The following EEFSEC variants were observed in gnomAD, a reference collection of about 807,000 sequenced individuals.
The protein encoded by EEFSEC is selenocysteine-specific elongation factor.
Under a neutral mutation model 42.1 loss-of-function variants are expected in EEFSEC, and 43 were observed. The ratio of observed to expected loss-of-function variants is 1.02; its 90% CI spans 0.80 to 1.32. EEFSEC has a LOEUF of 1.32. Ranked by LOEUF, EEFSEC falls within the 40% of genes most tolerant of loss-of-function variation. The probability of loss-of-function intolerance (pLI) is 0.00; values close to 1 mark genes in which losing one functional copy is unlikely to be tolerated. For missense variants in EEFSEC, 745 were observed against 803.6 expected, an observed-to-expected ratio of 0.93 and a Z score of 0.88; for synonymous variants, 354 against 339.1, an observed-to-expected ratio of 1.04 and a Z score of -0.48.
chr3:128,210,649 C>T (rs2065746748), intron 1 of EEFSEC, among the ~76,000 whole-genome samples: 1 of 152,234 alleles, frequency 6.6e-6, no homozygotes, highest in East Asian at 1.9e-4. Flanking sequence ...CCAATTACAT[C>T]TCTGAATTTT....
intron 6 of EEFSEC, among the ~76,000 whole-genome samples, chr3:128,376,336 C>G (rs2067709677): frequency 6.6e-6 from 1 of 152,250 alleles, no homozygotes; most frequent in Non-Finnish European, 1.5e-5. Flanking sequence ...TGTGCTTGGG[C>G]TTTCCTCACC....
intron 6 of EEFSEC, among the ~76,000 whole-genome samples, chr3:128,379,689 C>T (rs760957000): frequency 6.6e-6 from 1 of 152,148 alleles, no homozygotes. Flanking sequence ...TTGCGGCAAT[C>T]GGAGGCCCTG....
rs1322929791 is a variant in EEFSEC, at chr3:128,399,671, G to A, written c.1601-8398G>A. The stretch of plus-strand genomic sequence containing the variant: ...CAGCCTGACAAAGAGGTGGCTGGAG[G>A]ATTCCAGAGTCGCTGTCACTGCTCA... On this transcript the variant is annotated intron_variant, in intron 6 of 6. Transcript: ENST00000254730. 2.6e-5 allele frequency among the ~76,000 whole-genome samples: 4 copies of A among 152,098 alleles called. No homozygotes were observed. In the East Asian group the frequency reaches 7.7e-4, roughly 29 times the overall value.
intron 1 of EEFSEC, among the ~76,000 whole-genome samples, chr3:128,225,348 T>C (rs956325705): frequency 1.3e-5 from 2 of 152,196 alleles, no homozygotes; most frequent in Non-Finnish European, 2.9e-5. Flanking sequence ...GTGCTTCTGG[T>C]ACACAGGCAG....
At chr3:128,393,900 T>C (rs1322572727) in intron 6 of EEFSEC, among the ~76,000 whole-genome samples, 3 of 152,144 alleles carry the variant, frequency 2.0e-5, no homozygotes, top group Non-Finnish European at 2.9e-5. Context: ...TGGGGACCCA[T>C]TTGGTCACAT....
At chr3:128,171,546 C>A (rs937268079) in intron 1 of EEFSEC, among the ~76,000 whole-genome samples, 2 of 152,108 alleles carry the variant, frequency 1.3e-5, no homozygotes, top group African/African-American at 4.8e-5. Flanking sequence ...ACTTTTAAAG[C>A]ATTTGAAGAT....
intron 1 of EEFSEC, among the ~76,000 whole-genome samples, chr3:128,186,174 T>C (rs746700748): frequency 6.6e-6 from 1 of 152,222 alleles, no homozygotes; most frequent in Non-Finnish European, 1.5e-5. Context: ...TGATTTGCAT[T>C]TCCCTGATGG....
intron 4 of EEFSEC, among the ~76,000 whole-genome samples, chr3:128,268,298 C>T (rs1160698959): frequency 6.6e-6 from 1 of 152,216 alleles, no homozygotes; most frequent in Non-Finnish European, 1.5e-5. Context: ...TCACCCCTAC[C>T]TGATTAGGTG....
chr3:128,321,188 C>T (rs2067004291), intron 4 of EEFSEC, among the ~76,000 whole-genome samples: 2 of 152,134 alleles, frequency 1.3e-5, no homozygotes, highest in Admixed American at 6.6e-5. Flanking sequence ...AGGTGGGAAG[C>T]TCTGGGGGAG....
intron 6 of EEFSEC, among the ~76,000 whole-genome samples, chr3:128,395,660 C>T (rs185460882): frequency 3.9e-5 from 6 of 152,312 alleles, no homozygotes; most frequent in East Asian, 1.9e-4. Context: ...GGATCGTGGC[C>T]GTGCAATGAG....
intron 6 of EEFSEC, among the ~76,000 whole-genome samples, chr3:128,389,881 G>A (rs530890404): frequency 6.6e-6 from 1 of 152,328 alleles, no homozygotes; most frequent in South Asian, 2.1e-4. Context: ...CCTAGCCCAC[G>A]TGGATCCAGT....
intron 4 of EEFSEC, among the ~76,000 whole-genome samples, chr3:128,281,420 C>T (rs530283717): frequency 2.0e-5 from 3 of 152,268 alleles, no homozygotes; most frequent in South Asian, 4.2e-4. Flanking sequence ...GTGTGGCAGC[C>T]TCCAGCCCAC....
chr3:128,245,332 A>G (rs2066116082), intron 1 of EEFSEC, among the ~76,000 whole-genome samples: 1 of 152,210 alleles, frequency 6.6e-6, no homozygotes, highest in South Asian at 2.1e-4. Flanking sequence ...TGTTTTTAAT[A>G]GTCTGTTCTG....
chr3:128,351,471 C>T (rs936403657), intron 5 of EEFSEC, among the ~76,000 whole-genome samples: 1 of 152,232 alleles, frequency 6.6e-6, no homozygotes, highest in African/African-American at 2.4e-5. Flanking sequence ...AGTCAGAAGT[C>T]AGGCCTCCCA....
At chr3:128,286,478 A>G (rs1309634102) in intron 4 of EEFSEC, among the ~76,000 whole-genome samples, 1 of 152,164 alleles carries the variant, frequency 6.6e-6, no homozygotes, top group East Asian at 1.9e-4. Flanking sequence ...TAGACTTTGG[A>G]TATGTATTTT....
At chr3:128,409,831 C>G (rs1035062659), downstream of EEFSEC, among the ~76,000 whole-genome samples, 1 of 152,232 alleles carries the variant, frequency 6.6e-6, no homozygotes, top group Admixed American at 6.5e-5. Context: ...CCCGACCCCA[C>G]TGTGTGCTGT....
chr3:128,236,841 C>T (rs537617665), intron 1 of EEFSEC, among the ~76,000 whole-genome samples: 13 of 152,372 alleles, frequency 8.5e-5, no homozygotes, highest in African/African-American at 2.9e-4. Flanking sequence ...AGCTCGGAGC[C>T]TACTTCTCCT....
At chr3:128,165,270 G>A (rs2065232578) in intron 1 of EEFSEC, among the ~76,000 whole-genome samples, 1 of 152,218 alleles carries the variant, frequency 6.6e-6, no homozygotes, top group African/African-American at 2.4e-5. Context: ...AGAGGCCCTG[G>A]CTTTGCCCAG....
intron 1 of EEFSEC, among the ~76,000 whole-genome samples, chr3:128,223,389 CT>C (rs1320433271): frequency 7.9e-5 from 12 of 152,288 alleles, no homozygotes; most frequent in African/African-American, 2.6e-4. Flanking sequence ...TGGGAACCCC[CT>C]GGATTTGCAG....
Sources: gnomAD v4.1 joint callset for allele counts (sites outside exome capture counted in the v4.1 genomes callset) on GRCh38, gnomAD v4.1.1 for gene constraint, MANE v1.5 for transcripts, NCBI Gene and HGNC (gene_info 2026-07-23, HGNC 2026-07-21) for gene names.